WFDC5: variants seen among roughly 807,000 people sequenced by gnomAD.
WFDC5 encodes WAP four-disulfide core domain protein 5.
Under a neutral mutation model 15.7 loss-of-function variants are expected in WFDC5, and 15 were observed. That is an observed-to-expected ratio of 0.96 (90% confidence interval 0.64 to 1.47). WFDC5 has a LOEUF of 1.47. Ranked by LOEUF, WFDC5 falls within the 40% of genes most tolerant of loss-of-function variation. The probability of loss-of-function intolerance (pLI) is 0.00; values close to 1 mark genes in which losing one functional copy is unlikely to be tolerated. For synonymous variants in WFDC5, 109 were observed against 107.7 expected, an observed-to-expected ratio of 1.01 and a Z score of -0.07; for missense variants, 280 against 258.0, an observed-to-expected ratio of 1.09 and a Z score of -0.59.
At position 45,110,397 on chromosome 20, in the gene WFDC5, T is replaced by C; in HGVS notation, c.370A>G (p.Thr124Ala). ...ACCTGCCCTGGGCACCCAGGAGCCG[T>C]ACCTCTGGCAGGATCCCGGCAATCC... The change falls in exon 3 of 4, where the codon ACG becomes GCG. Residue 124 changes from threonine (T) to alanine (A), a missense_variant. Thr to Ala is a moderately conservative substitution (Grantham distance 58). Coordinates refer to ENST00000307971, the Ensembl canonical transcript of WFDC5. 1.9e-6 allele frequency: 3 copies of C among 1,598,410 alleles called. No homozygotes were observed. Among genetic ancestry groups the C allele is most frequent in the Non-Finnish European group, 2.6e-6 (3 of 1,173,112 alleles).
chr20:45,109,955 A>G (rs1043236138), exon 4 of WFDC5: 2 of 1,613,652 alleles, frequency 1.2e-6, no homozygotes, highest in African/African-American at 2.7e-5. Flanking sequence ...CCCATCGTGA[A>G]CTCTTTCCGT....
At position 45,109,695 on chromosome 20, in the gene WFDC5, G is replaced by A. The variant is rs1368721926; in HGVS notation, c.*37C>T. 1.3e-5 allele frequency: 9 copies of A among 702,744 alleles called. No homozygotes were observed. In the East Asian group the frequency reaches 1.9e-4, roughly 15 times the overall value. The allele number at this position is 702,744 out of a possible 1,614,324, so 43.5% of individuals were successfully genotyped here. A position where few individuals can be genotyped will look rare whatever the true frequency, so the allele number is the denominator to read the frequency against. ...GGTCTGCCTGAATTGGGCATTTTTGGTGGAGGAAGCAGCATGTACGGATTG... is the reference window on the plus strand; with the variant it reads ...GGTCTGCCTGAATTGGGCATTTTTGATGGAGGAAGCAGCATGTACGGATTG... On this transcript the variant is annotated 3_prime_UTR_variant, in exon 4 of 4. Transcript: ENST00000307971.
intron 1 of WFDC5, among the ~76,000 whole-genome samples, chr20:45,114,672 T>C (rs1199942458): frequency 2.0e-5 from 3 of 151,302 alleles, no homozygotes; most frequent in African/African-American, 7.3e-5. Context: ...CAAAGACACA[T>C]GTCTACACAG....
chr20:45,111,286 CCACCCCGGCCCCCA>C (rs1981612606), intron 1 of WFDC5, among the ~76,000 whole-genome samples: 1 of 85,152 alleles, frequency 1.2e-5, no homozygotes, highest in African/African-American at 5.5e-5. Context: ...CAGCGCCCCC[CCACCCCGGCCCCCA>C]CACACACACT....
At chr20:45,114,959 A>G (rs1388116221) in intron 1 of WFDC5, 40 bp downstream of exon 1, 2 of 1,602,536 alleles carry the variant, frequency 1.2e-6, no homozygotes, top group Non-Finnish European at 1.7e-6. Context: ...AGAAGTAGAG[A>G]CAATCTGGTC....
At chr20:45,112,213 G>A (rs1981639976) in intron 1 of WFDC5, among the ~76,000 whole-genome samples, 1 of 152,188 alleles carries the variant, frequency 6.6e-6, no homozygotes, top group Non-Finnish European at 1.5e-5. Context: ...GAGGTCCAAG[G>A]TTTAGCCCTG....
intron 1 of WFDC5, among the ~76,000 whole-genome samples, chr20:45,111,338 C>T (rs1981616468): frequency 7.2e-6 from 1 of 138,688 alleles, no homozygotes; most frequent in Admixed American, 7.8e-5. Context: ...GTTTGTGATG[C>T]TGCATCTGTT....
chr20:45,109,823 C>T, exon 4 of WFDC5: 2 of 841,056 alleles, frequency 2.4e-6, no homozygotes, highest in Non-Finnish European at 4.0e-6. Context: ...GACTTTGACT[C>T]CCAGGAGGAG....
intron 1 of WFDC5, among the ~76,000 whole-genome samples, chr20:45,113,180 A>G (rs1292238964): frequency 1.3e-5 from 2 of 152,232 alleles, no homozygotes; most frequent in Non-Finnish European, 2.9e-5. Flanking sequence ...GGCTCTTTGT[A>G]TCAGAGACAC....
Position 45,115,128 on chromosome 20 carries a change from C to A in WFDC5, c.-45G>T, listed in dbSNP as rs73910118. The stretch of plus-strand genomic sequence containing the variant: ...GGCCCAGGGCCCCCCAGATTAACAC[C>A]TGCAGCCTCAGGGAAGCCAGAGAAA... On this transcript the variant is annotated 5_prime_UTR_variant, in exon 1 of 4. The change creates a new upstream start codon in the 5' untranslated region. Coordinates refer to ENST00000307971, the Ensembl canonical transcript of WFDC5. 5.1e-6 allele frequency: 8 copies of A among 1,581,662 alleles called. No individual in the cohort carries two copies. The Admixed American group carries it at 8.6e-5, about 17-fold the overall frequency.
chr20:45,114,406 T>A (rs1981701048), intron 1 of WFDC5, among the ~76,000 whole-genome samples: 1 of 151,672 alleles, frequency 6.6e-6, no homozygotes, highest in Non-Finnish European at 1.5e-5. Flanking sequence ...GCGATGAGAG[T>A]TAGAGACAGA....
chr20:45,112,700 A>G (rs1981654825), intron 1 of WFDC5, among the ~76,000 whole-genome samples: 1 of 152,214 alleles, frequency 6.6e-6, no homozygotes, highest in Admixed American at 6.5e-5. Context: ...TCAAATACAC[A>G]AGCACATTTA....
intron 1 of WFDC5, among the ~76,000 whole-genome samples, chr20:45,113,800 G>C (rs1981683680): frequency 6.6e-6 from 1 of 151,594 alleles, no homozygotes; most frequent in African/African-American, 2.4e-5. Flanking sequence ...TTGGTAAAGT[G>C]AATCTTTCTG....
chr20:45,111,230 C>T (rs1267095718), intron 1 of WFDC5, among the ~76,000 whole-genome samples: 2 of 152,114 alleles, frequency 1.3e-5, no homozygotes, highest in Non-Finnish European at 2.9e-5. Flanking sequence ...GCAGAAACAT[C>T]GCATCCTCAG....
rs1001877450 is a variant in WFDC5 at position 45,110,623 on chromosome 20, G to A, written c.226+12C>T. On this transcript the variant is annotated intron_variant, in intron 2 of 3. Coordinates refer to ENST00000307971, the Ensembl canonical transcript of WFDC5. ...GCTTGGATGGTCAGCAAGGTGGAGG[G>A]GAGGCATTTACCAGAGACCCTGGGG... is the stretch of plus-strand genomic sequence containing the variant. The A allele has an allele frequency of 6.2e-7, 1 of 1,613,964 alleles. No individual in the cohort carries two copies. The highest frequency in any genetic ancestry group is 8.5e-7 in the Non-Finnish European group (1 of 1,179,980).
exon 3 of WFDC5, chr20:45,110,455 G>T: frequency 6.2e-7 from 1 of 1,613,754 alleles, no homozygotes; most frequent in Non-Finnish European, 8.5e-7. Context: ...ATCGCTTTTT[G>T]CCCGAGCAGT....
exon 2 of WFDC5, chr20:45,110,756 C>A (rs745496419): frequency 6.2e-7 from 1 of 1,614,090 alleles, no homozygotes; most frequent in South Asian, 1.1e-5. Flanking sequence ...CATCATCTGG[C>A]GGGCAGCCCC....
intron 1 of WFDC5, among the ~76,000 whole-genome samples, chr20:45,114,500 C>A (rs1041134370): frequency 7.9e-5 from 12 of 152,086 alleles, no homozygotes; most frequent in Non-Finnish European, 1.3e-4. Context: ...GGTGGTGGAC[C>A]CACTGACCCA....
intron 1 of WFDC5, among the ~76,000 whole-genome samples, chr20:45,114,277 A>T (rs911683283): frequency 1.3e-5 from 2 of 152,138 alleles, no homozygotes; most frequent in Non-Finnish European, 2.9e-5. Flanking sequence ...AAAAGGACGC[A>T]GGTGGAGGCC....
Sources: allele counts gnomAD v4.1 joint callset (sites outside exome capture counted in the v4.1 genomes callset), GRCh38; gene constraint gnomAD v4.1.1; transcripts MANE v1.5; gene names NCBI Gene and HGNC (gene_info 2026-07-23, HGNC 2026-07-21).